The following GPC6 variants were observed in gnomAD, a reference collection of about 807,000 sequenced individuals.
The protein encoded by GPC6 is glypican-6.
In GPC6, 14 loss-of-function variants were observed where a neutral mutation model predicts 55.2. The observed-to-expected ratio is 0.25, with a 90% CI of 0.17 to 0.40. The LOEUF (loss-of-function observed/expected upper bound fraction) is 0.40, where lower values mean the gene tolerates loss of function less well. Among genes scored for constraint, GPC6 ranks in the 10% least tolerant of loss-of-function variants. The pLI is 1.00. For synonymous variants in GPC6, 278 were observed against 259.6 expected (o/e 1.07, Z -0.68); for missense variants, 641 against 708.5 (o/e 0.90, Z 1.08).
At chr13:93,996,444 C>G (rs758096269) in intron 3 of GPC6, among the ~76,000 whole-genome samples, 20 of 152,006 alleles carry the variant, frequency 1.3e-4, no homozygotes, top group Non-Finnish European at 2.5e-4. Context: ...GATGTAATGG[C>G]CTTCCTTTGT....
intron 2 of GPC6, among the ~76,000 whole-genome samples, chr13:93,594,668 T>G (rs1482519209): frequency 6.6e-6 from 1 of 151,912 alleles, no homozygotes; most frequent in African/African-American, 2.4e-5. Flanking sequence ...CAAAATGCCA[T>G]AATTTGGGTA....
rs576899004 is a variant in GPC6, at chr13:93,404,171, G to T, written c.161-141092G>T. ...ACAATTAAACTTTATTTTCATTTTTGAATATTAACCTCAAGAGACTAAAAA... is the reference window on the plus strand; with the variant it reads ...ACAATTAAACTTTATTTTCATTTTTTAATATTAACCTCAAGAGACTAAAAA... On this transcript the variant is annotated intron_variant, in intron 1 of 8. Coordinates refer to ENST00000377047, the MANE Select transcript of GPC6 (RefSeq NM_005708.5). Among the ~76,000 whole-genome samples, 24 of 152,110 alleles carry T rather than the reference G, an allele frequency of 1.6e-4. No individual in the cohort carries two copies. The East Asian group carries it at 4.1e-3, about 26-fold the overall frequency.
intron 1 of GPC6, among the ~76,000 whole-genome samples, chr13:93,501,220 A>G (rs1880508476): frequency 6.6e-6 from 1 of 152,046 alleles, no homozygotes; most frequent in Non-Finnish European, 1.5e-5. Flanking sequence ...CATAGAGGAC[A>G]TTTTCTAAAA....
At chr13:93,774,944 T>C (rs994759232) in intron 2 of GPC6, among the ~76,000 whole-genome samples, 3 of 152,062 alleles carry the variant, frequency 2.0e-5, no homozygotes, top group African/African-American at 7.2e-5. Context: ...TGGGAGGAGA[T>C]GCCATCTCAG....
At chr13:93,640,421 C>A (rs1879864481) in intron 2 of GPC6, among the ~76,000 whole-genome samples, 1 of 151,994 alleles carries the variant, frequency 6.6e-6, no homozygotes, top group South Asian at 2.1e-4. Context: ...AAAATATCGG[C>A]TTGGAAAGAA....
chr13:93,394,506 G>A (rs570032965), intron 1 of GPC6, among the ~76,000 whole-genome samples: 1 of 152,276 alleles, frequency 6.6e-6, no homozygotes, highest in South Asian at 2.1e-4. Flanking sequence ...ATCAGCCCCT[G>A]ATAGTTCCTC....
At chr13:93,500,647 T>C (rs1226770257) in intron 1 of GPC6, among the ~76,000 whole-genome samples, 3 of 152,192 alleles carry the variant, frequency 2.0e-5, no homozygotes, top group African/African-American at 4.8e-5. Context: ...GATAGAAATA[T>C]TTTTTAAAGT....
chr13:93,289,798 G>C (rs1878260069), intron 1 of GPC6, among the ~76,000 whole-genome samples: 1 of 152,108 alleles, frequency 6.6e-6, no homozygotes, highest in Non-Finnish European at 1.5e-5. Context: ...TTGCTTTCAG[G>C]AGTAAAAGGT....
At chr13:93,873,590 A>G (rs1290642972) in intron 3 of GPC6, among the ~76,000 whole-genome samples, 2 of 151,916 alleles carry the variant, frequency 1.3e-5, no homozygotes, top group Non-Finnish European at 1.5e-5. Context: ...GACAGCCCCT[A>G]TGACAAATAA....
chr13:93,695,107 G>T (rs1882402172), intron 2 of GPC6, among the ~76,000 whole-genome samples: 1 of 152,008 alleles, frequency 6.6e-6, no homozygotes, highest in African/African-American at 2.4e-5. Flanking sequence ...AATAGTCATA[G>T]AAATGAGTCC....
intron 1 of GPC6, among the ~76,000 whole-genome samples, chr13:93,380,479 A>G (rs564232021): frequency 1.4e-4 from 21 of 152,304 alleles, no homozygotes; most frequent in Admixed American, 6.5e-4. Flanking sequence ...TTCCTCATTA[A>G]ATTGTTCTTC....
At chr13:93,396,408 C>T (rs1297906302) in intron 1 of GPC6, among the ~76,000 whole-genome samples, 2 of 151,834 alleles carry the variant, frequency 1.3e-5, no homozygotes, top group Non-Finnish European at 2.9e-5. Context: ...ACTAAAAATA[C>T]AAAAATTAAC....
chr13:93,993,864 A>G (rs765918229), intron 3 of GPC6, among the ~76,000 whole-genome samples: 5 of 152,186 alleles, frequency 3.3e-5, no homozygotes, highest in Admixed American at 6.5e-5. Context: ...TTTAAAAATA[A>G]CACATTGTAC....
intron 6 of GPC6, among the ~76,000 whole-genome samples, chr13:94,324,728 T>C (rs1877023973): frequency 6.6e-6 from 1 of 151,910 alleles, no homozygotes; most frequent in African/African-American, 2.4e-5. Context: ...ATTTCTGTTC[T>C]AGATTTATGT....
At position 93,354,362 on chromosome 13, in the gene GPC6, T is replaced by TGTTTTTTTG. The variant is rs796925932; in HGVS notation, c.160+126746_160+126747insGTTTTTTTG. Among the ~76,000 whole-genome samples the TGTTTTTTTG allele has an allele frequency of 8.2e-5, 12 of 146,236 alleles. No homozygotes were observed. The East Asian group carries it at 8.5e-4, about 10-fold the overall frequency. ...TTCCGTTGGTAGATTTTTTTTTTTT[T>TGTTTTTTTG]TTTTTTGAGACAGAGTCTCGCTGTA... On this transcript the variant is annotated intron_variant, in intron 1 of 8. Transcript: ENST00000377047.
At chr13:93,638,676 A>G (rs1288991263) in intron 2 of GPC6, among the ~76,000 whole-genome samples, 6 of 152,116 alleles carry the variant, frequency 3.9e-5, no homozygotes, top group Non-Finnish European at 5.9e-5. Flanking sequence ...AAAAAGAGAC[A>G]AAGTTACAGC....
chr13:93,512,610 G>T (rs1881024349), intron 1 of GPC6, among the ~76,000 whole-genome samples: 1 of 151,984 alleles, frequency 6.6e-6, no homozygotes, highest in Non-Finnish European at 1.5e-5. Flanking sequence ...AGGGATATTG[G>T]CAAGTAGTTT....
Position 93,589,853 on chromosome 13 carries a change from A to G in GPC6, c.319+44432A>G, listed in dbSNP as rs143874703. Among the ~76,000 whole-genome samples the G allele has an allele frequency of 5.6e-4, 86 of 152,298 alleles. No individual in the cohort carries two copies. In the East Asian group the frequency reaches 0.016, roughly 28 times the overall value. On this transcript the variant is annotated intron_variant, in intron 2 of 8. Coordinates refer to ENST00000377047, the MANE Select transcript of GPC6 (RefSeq NM_005708.5). Reference sequence around the variant, plus strand: ...AATTAATCCTGATGACATCATGTGGAGTAAGTTAGCCTGAGCATTTAAGGG... The same window carrying G: ...AATTAATCCTGATGACATCATGTGGGGTAAGTTAGCCTGAGCATTTAAGGG...
At chr13:93,506,604 G>C (rs1880723016) in intron 1 of GPC6, among the ~76,000 whole-genome samples, 1 of 152,002 alleles carries the variant, frequency 6.6e-6, no homozygotes, top group African/African-American at 2.4e-5. Context: ...TTTTGAAATG[G>C]TACCCTAGAG....
Sources: gnomAD v4.1 joint callset for allele counts (sites outside exome capture counted in the v4.1 genomes callset) on GRCh38, gnomAD v4.1.1 for gene constraint, MANE v1.5 for transcripts, NCBI Gene and HGNC (gene_info 2026-07-23, HGNC 2026-07-21) for gene names.